Variants in DNAH17 observed in about 807,000 individuals in gnomAD.
DNAH17 encodes the protein dynein axonemal heavy chain 17, also known as axonemal beta dynein heavy chain 17.
DNAH17 carries 376 observed loss-of-function variants against 485.6 expected under a neutral mutation model. The ratio of observed to expected loss-of-function variants is 0.77; its 90% CI spans 0.71 to 0.84. The LOEUF (loss-of-function observed/expected upper bound fraction) is 0.84. DNAH17 is among the 40% of genes least tolerant of loss of function. The probability of loss-of-function intolerance (pLI) is 0.00; values close to 1 mark genes in which losing one functional copy is unlikely to be tolerated. For missense variants in DNAH17, 6,370 were observed against 5,839.3 expected, an observed-to-expected ratio of 1.09 and a Z score of -2.96; for synonymous variants, 3,031 against 2,405.9, an observed-to-expected ratio of 1.26 and a Z score of -7.60.
intron 54 of DNAH17, among the ~76,000 whole-genome samples, chr17:78,474,970 G>C (rs1356861345): frequency 6.7e-6 from 1 of 149,020 alleles, no homozygotes; most frequent in Non-Finnish European, 1.5e-5. Flanking sequence ...AGTCACATGG[G>C]CTGGAAGGTT....
intron 14 of DNAH17, among the ~76,000 whole-genome samples, chr17:78,556,675 C>T (rs1160227542): frequency 6.6e-6 from 1 of 152,100 alleles, no homozygotes; most frequent in Non-Finnish European, 1.5e-5. Flanking sequence ...GCCCCACAGC[C>T]ACGCTCTCCG....
intron 14 of DNAH17, among the ~76,000 whole-genome samples, chr17:78,557,554 G>C (rs12450340): frequency 0.11 from 15,483 of 145,774 alleles, 986 homozygotes; most frequent in South Asian, 0.18. Context: ...CAGGAGAATC[G>C]CTTGAACTTG....
In DNAH17 at chr17:78,496,044, G is replaced by T. The variant is rs1321306188; in HGVS notation, c.5746-12C>A. ...TGGACACATTTTACCTGCACGGTTG[G>T]TGACACAGACATGTTAGCATGGAAA... On this transcript the variant is annotated splice_polypyrimidine_tract_variant and intron_variant, in intron 37 of 80. Transcript: ENST00000389840. 1 of 1,609,766 alleles carries T rather than the reference G, an allele frequency of 6.2e-7. No individual in the cohort carries two copies. The highest frequency in any genetic ancestry group is 2.2e-5 in the East Asian group (1 of 44,752).
intron 72 of DNAH17, 123 bp downstream of exon 72, chr17:78,440,928 G>A (rs1286408958): frequency 2.2e-5 from 26 of 1,186,778 alleles, no homozygotes; most frequent in African/African-American, 6.1e-5. Flanking sequence ...CCATCCTACC[G>A]GCGTGAAGCC....
chr17:78,554,671 A>G (rs968608832), intron 14 of DNAH17, among the ~76,000 whole-genome samples: 5 of 152,106 alleles, frequency 3.3e-5, no homozygotes, highest in East Asian at 1.9e-4. Context: ...ACCCTTCTAC[A>G]TGAAGTATGG....
At position 78,461,619 on chromosome 17, in the gene DNAH17, G is replaced by A. The variant is rs774773619; in HGVS notation, c.9264C>T (p.Gly3088=). Residue 3088 remains glycine (G), a synonymous_variant, in exon 58 of 81, where the codon GGC becomes GGT. Transcript: ENST00000389840. The part of the protein sequence containing the change: ...ESADQLIQVV[G]IEAEKVSKEK... ...CTTTGCTGACCTTCTCGGCCTCGAT[G>A]CCGACCACCTGGATCAGTTGGTCTG... The A allele has an allele frequency of 2.3e-5, 37 of 1,609,718 alleles. No homozygotes were observed. Among genetic ancestry groups the A allele is most frequent in the Middle Eastern group, 3.3e-4 (2 of 6,078 alleles).
intron 27 of DNAH17, among the ~76,000 whole-genome samples, chr17:78,508,350 T>C (rs1013676324): frequency 1.3e-5 from 2 of 152,196 alleles, no homozygotes; most frequent in African/African-American, 4.8e-5. Context: ...TCCTGTCTGC[T>C]CAGACCCTTT....
At position 78,525,111 on chromosome 17, in the gene DNAH17, C is replaced by G. The variant is rs1463523815; in HGVS notation, c.3762G>C (p.Lys1254Asn). Reference protein sequence around the residue: ...AMEGIMEALSKSGGLFEVPVP... With the variant: ...AMEGIMEALSNSGGLFEVPVP... ...CGGGGACCTCGAACAGGCCCCCGGA[C>G]TTGGACAGCGCCTCCATGATGCCTT... Residue 1254 changes from lysine to asparagine, a missense_variant, in exon 25 of 81, where the codon AAG becomes AAC. Coordinates refer to ENST00000389840, the MANE Select transcript of DNAH17 (RefSeq NM_173628.4). 6.2e-7 allele frequency: 1 copy of G among 1,613,732 alleles called. No homozygotes were observed. The highest frequency in any genetic ancestry group is 8.5e-7 in the Non-Finnish European group (1 of 1,179,892).
At chr17:78,502,287 G>A (rs1281143203) in intron 33 of DNAH17, 1 of 341,132 alleles carries the variant, frequency 2.9e-6, no homozygotes, top group Non-Finnish European at 5.4e-6. Flanking sequence ...ATGATCTTTT[G>A]TTTCCATATT....
chr17:78,486,532 A>G (rs1328370786), intron 44 of DNAH17, 26 bp from the exon 45 acceptor site: 2 of 1,578,742 alleles, frequency 1.3e-6, no homozygotes, highest in South Asian at 1.2e-5. Context: ...GGCGCCGATG[A>G]CACAGCCGCT....
At chr17:78,439,372 T>TA (rs1960450459) in intron 72 of DNAH17, among the ~76,000 whole-genome samples, 155 bp from the exon 73 acceptor site, 1 of 152,194 alleles carries the variant, frequency 6.6e-6, no homozygotes, top group African/African-American at 2.4e-5. Context: ...AAACCCATCT[T>TA]AAAGCGTACA....
rs915192327 is a variant in DNAH17 at position 78,475,841 on chromosome 17, A to G, written c.8155-8T>C. ...GAGTTCATCACCAAGATCCTAGAAA[A>G]AGAAAAAAAAAGACGATACTTCCGG... On this transcript the variant is annotated splice_region_variant and splice_polypyrimidine_tract_variant and intron_variant, in intron 52 of 80. Coordinates refer to ENST00000389840, the MANE Select transcript of DNAH17 (RefSeq NM_173628.4). 5.0e-6 allele frequency: 8 copies of G among 1,606,394 alleles called. No individual in the cohort carries two copies. The East Asian group carries it at 8.9e-5, about 18-fold the overall frequency.
chr17:78,527,135 C>T (rs899739258), intron 22 of DNAH17, 139 bp from the exon 23 acceptor site: 29 of 656,960 alleles, frequency 4.4e-5, no homozygotes, highest in African/African-American at 3.3e-4. Context: ...GTAATCTCAG[C>T]ACTTTGGGAG....
chr17:78,506,643 C>A (rs571188464), intron 30 of DNAH17, 77 bp downstream of exon 30: 2 of 1,596,686 alleles, frequency 1.3e-6, no homozygotes, highest in Non-Finnish European at 1.7e-6. Flanking sequence ...CACCCTAGGG[C>A]GGTTGAGGTA....
At chr17:78,566,355 A>G (rs1419089320) in intron 11 of DNAH17, among the ~76,000 whole-genome samples, 5 of 152,170 alleles carry the variant, frequency 3.3e-5, no homozygotes, top group Non-Finnish European at 7.3e-5. Flanking sequence ...TTTCTTAGTG[A>G]GCATAAGAAG....
chr17:78,427,569 A>G (rs1255891543), intron 77 of DNAH17, among the ~76,000 whole-genome samples: 1 of 152,224 alleles, frequency 6.6e-6, no homozygotes, highest in Non-Finnish European at 1.5e-5. Flanking sequence ...TCATTAGACT[A>G]AGAGAAAGTC....
At chr17:78,465,327 A>G (rs2088370468) in intron 56 of DNAH17, among the ~76,000 whole-genome samples, 3 of 151,734 alleles carry the variant, frequency 2.0e-5, no homozygotes, top group Non-Finnish European at 4.4e-5. Context: ...AGGTGCCGAG[A>G]TTGCAGCCTC....
intron 16 of DNAH17, among the ~76,000 whole-genome samples, chr17:78,547,547 C>T (rs2091795870): frequency 1.3e-5 from 2 of 152,088 alleles, no homozygotes; most frequent in African/African-American, 4.8e-5. Flanking sequence ...CCACCACACT[C>T]AGGCCTTCCT....
Position 78,499,068 on chromosome 17 carries a change from C to A in DNAH17, c.5685G>T (p.Trp1895Cys). 1 of 1,609,350 alleles carries A rather than the reference C, an allele frequency of 6.2e-7. No individual in the cohort carries two copies. Among genetic ancestry groups the A allele is most frequent in the Non-Finnish European group, 8.5e-7 (1 of 1,177,864 alleles). Residue 1895 changes from tryptophan to cysteine, a missense_variant, in exon 37 of 81, where the codon TGG becomes TGT. By Grantham distance (215) the Trp-to-Cys change is radical. Transcript: ENST00000389840. ...TGCGATTAAACTCGTCAAAGCAGCC[C>A]CAGGCTCCCGTCTGGGCCAGGCCCT... Reference protein sequence around the residue: ...IYKGLAQTGAWGCFDEFNRIS... With the variant: ...IYKGLAQTGACGCFDEFNRIS...
Sources: gnomAD v4.1 joint callset for allele counts (sites outside exome capture counted in the v4.1 genomes callset) on GRCh38, gnomAD v4.1.1 for gene constraint, MANE v1.5 for transcripts, NCBI Gene and HGNC (gene_info 2026-07-23, HGNC 2026-07-21) for gene names.